The following UBE3D variants were observed in gnomAD, a reference collection of about 807,000 sequenced individuals.
The protein encoded by UBE3D is E3 ubiquitin-protein ligase E3D.
A neutral mutation model predicts 49.6 loss-of-function variants in UBE3D; 48 were observed. That is an observed-to-expected ratio of 0.97 (90% CI 0.77 to 1.23). UBE3D has a LOEUF of 1.23. Among genes scored for constraint, UBE3D ranks in the 50% most tolerant of loss-of-function variants. The pLI, the probability that UBE3D is intolerant of heterozygous loss-of-function variation, is 0.00. For missense variants in UBE3D, 452 were observed against 468.4 expected (o/e 0.96, Z 0.32); for synonymous variants, 189 against 174.2 (o/e 1.08, Z -0.67).
At chr6:82,959,872 C>T (rs1776428038) in intron 8 of UBE3D, among the ~76,000 whole-genome samples, 1 of 152,134 alleles carries the variant, frequency 6.6e-6, no homozygotes, top group Non-Finnish European at 1.5e-5. Flanking sequence ...CTCCTACAGG[C>T]CTCCCAGGGT....
intron 9 of UBE3D, among the ~76,000 whole-genome samples, chr6:82,909,255 T>C (rs1405143536): frequency 6.6e-6 from 1 of 152,190 alleles, no homozygotes; most frequent in Non-Finnish European, 1.5e-5. Flanking sequence ...CCGGTACTAT[T>C]AACTCTGATG....
chr6:82,910,658 T>C (rs893410133), intron 9 of UBE3D, among the ~76,000 whole-genome samples: 2 of 152,198 alleles, frequency 1.3e-5, no homozygotes, highest in Non-Finnish European at 2.9e-5. Flanking sequence ...AGAGGTTCCA[T>C]GGTGATTTCC....
chr6:82,915,991 C>T (rs993664255), intron 9 of UBE3D, among the ~76,000 whole-genome samples: 1 of 152,080 alleles, frequency 6.6e-6, no homozygotes, highest in Admixed American at 6.5e-5. Flanking sequence ...CTCTAATAGT[C>T]ATTGAAGTAG....
chr6:82,951,678 A>T (rs1775807945), intron 9 of UBE3D, among the ~76,000 whole-genome samples: 1 of 152,174 alleles, frequency 6.6e-6, no homozygotes, highest in African/African-American at 2.4e-5. Context: ...AACTGGGAAC[A>T]GGTACAGGGT....
chr6:82,894,118 C>G (rs777685436), intron 9 of UBE3D: 2 of 152,158 alleles, frequency 1.3e-5, no homozygotes, highest in Non-Finnish European at 2.9e-5. Flanking sequence ...TGATGCAAAC[C>G]TCAAGAGCTT....
At chr6:83,035,848 A>G (rs1475834181) in intron 5 of UBE3D, among the ~76,000 whole-genome samples, 6 of 152,152 alleles carry the variant, frequency 3.9e-5, no homozygotes, top group Non-Finnish European at 8.8e-5. Flanking sequence ...TCTATAAGCT[A>G]GATGTTGGTT....
intron 8 of UBE3D, among the ~76,000 whole-genome samples, chr6:83,006,243 A>C (rs4432957): frequency 0.78 from 118,263 of 151,966 alleles, 46,178 homozygotes; most frequent in East Asian, 0.91. Context: ...AACAAACAAA[A>C]AAAAAAAAGT....
chr6:83,044,375 T>C (rs4455637), intron 4 of UBE3D, 53 bp downstream of exon 4: 1,545,459 of 1,545,508 alleles, frequency 1, 772,705 homozygotes, highest in Middle Eastern at 1. Context: ...ATTGAAGAAG[T>C]CAGTATCTAA....
intron 3 of UBE3D, chr6:83,049,812 T>A (rs1783343998): frequency 2.1e-6 from 1 of 470,830 alleles, no homozygotes; most frequent in African/African-American, 2.0e-5. Context: ...TTTGGCCAAC[T>A]GATTTCATTC....
chr6:83,019,041 G>A lies in UBE3D; in HGVS notation c.942C>T (p.Ala314=), dbSNP rs751097572. The change falls in exon 8 of 10, where the codon GCC becomes GCT. Residue 314 remains alanine, a synonymous_variant. Coordinates refer to ENST00000369747, the MANE Select transcript of UBE3D (RefSeq NM_198920.3). ...KFPLLENTFK[A]DSSSAWSAVK... Reference sequence around the variant, plus strand: ...CAGCACTCCAGGCAGAACTAGAATCGGCTTTGAATGTGTTTTCCAACAAGG... The same window carrying A: ...CAGCACTCCAGGCAGAACTAGAATCAGCTTTGAATGTGTTTTCCAACAAGG... 7 of 1,613,598 alleles carry A rather than the reference G, an allele frequency of 4.3e-6. No homozygotes were observed. Among genetic ancestry groups the A allele is most frequent in the African/African-American group, 2.7e-5 (2 of 74,902 alleles).
chr6:82,882,132 T>A, the UBE3D span, among the ~76,000 whole-genome samples: 1 of 152,140 alleles, frequency 6.6e-6, no homozygotes, highest in African/African-American at 2.4e-5. Context: ...GAGCCAGGGT[T>A]TGAATTTGGA....
downstream of UBE3D, among the ~76,000 whole-genome samples, chr6:82,887,613 G>A (rs1770911563): frequency 6.6e-6 from 1 of 151,278 alleles, no homozygotes; most frequent in Admixed American, 6.6e-5. Flanking sequence ...GGAGGCTGAG[G>A]CAAGAGAATC....
chr6:83,033,205 C>G (rs1455003138), intron 5 of UBE3D, among the ~76,000 whole-genome samples: 1 of 152,104 alleles, frequency 6.6e-6, no homozygotes, highest in Non-Finnish European at 1.5e-5. Context: ...AAAACCAGAT[C>G]TCATAGGCAT....
chr6:82,982,587 G>T (rs560894481), intron 8 of UBE3D, among the ~76,000 whole-genome samples: 28 of 152,192 alleles, frequency 1.8e-4, no homozygotes, highest in Middle Eastern at 3.4e-3. Flanking sequence ...CCTGTCCCCC[G>T]AATTTCCTAA....
intron 8 of UBE3D, among the ~76,000 whole-genome samples, chr6:83,014,177 G>A (rs1009423061): frequency 1.7e-4 from 26 of 152,298 alleles, no homozygotes; most frequent in Non-Finnish European, 2.4e-4. Flanking sequence ...ATCCACTGTC[G>A]TTCTCTAAGA....
intron 8 of UBE3D, among the ~76,000 whole-genome samples, chr6:82,974,956 T>G (rs1167992820): frequency 6.6e-6 from 1 of 152,118 alleles, no homozygotes; most frequent in African/African-American, 2.4e-5. Context: ...GCACAATGTT[T>G]CTTGATGATC....
Position 83,019,110 on chromosome 6 carries a change from C to G in UBE3D, c.873G>C (p.Leu291Phe). Residue 291 changes from leucine (L) to phenylalanine (F), a missense_variant, in exon 8 of 10, where the codon TTG becomes TTC. Coordinates refer to ENST00000369747, the MANE Select transcript of UBE3D (RefSeq NM_198920.3). ...TGGAATTTCTCAAAGATTCAATCACCAAACTGTCTGAATTTAAAAGCCATA... is the reference window on the plus strand; with the variant it reads ...TGGAATTTCTCAAAGATTCAATCACGAAACTGTCTGAATTTAAAAGCCATA... ...ILLWLLNSDS[L>F]VIESLRNSKY... 1 of 1,613,054 alleles carries G rather than the reference C, an allele frequency of 6.2e-7. No individual in the cohort carries two copies. Among genetic ancestry groups the G allele is most frequent in the Non-Finnish European group, 8.5e-7 (1 of 1,179,690 alleles).
At chr6:82,969,924 A>G (rs1362497970) in intron 8 of UBE3D, among the ~76,000 whole-genome samples, 3 of 151,682 alleles carry the variant, frequency 2.0e-5, no homozygotes, top group Non-Finnish European at 4.4e-5. Flanking sequence ...ATATAATAAA[A>G]CTAATGTAAT....
At chr6:82,887,536 C>T (rs530343589), downstream of UBE3D, among the ~76,000 whole-genome samples, 2 of 150,920 alleles carry the variant, frequency 1.3e-5, no homozygotes, top group South Asian at 4.2e-4. Flanking sequence ...TGGTGAAATC[C>T]CATTGCTACT....
Sources: gnomAD v4.1 joint callset for allele counts (sites outside exome capture counted in the v4.1 genomes callset) on GRCh38, gnomAD v4.1.1 for gene constraint, MANE v1.5 for transcripts, NCBI Gene and HGNC (gene_info 2026-07-23, HGNC 2026-07-21) for gene names.